The following HS6ST3 variants were observed in gnomAD, a reference collection of about 807,000 sequenced individuals.
HS6ST3 encodes the protein heparan sulfate 6-O-sulfotransferase 3.
A neutral mutation model predicts 36.7 loss-of-function variants in HS6ST3; 12 were observed. The ratio of observed to expected loss-of-function variants is 0.33; its 90% confidence interval spans 0.21 to 0.53. The LOEUF is 0.53. Ranked by LOEUF, HS6ST3 falls within the 20% of genes least tolerant of loss-of-function variation. HS6ST3 has a pLI of 0.95. For missense variants in HS6ST3, 584 were observed against 640.9 expected (o/e 0.91, Z 0.96); for synonymous variants, 240 against 257.5 (o/e 0.93, Z 0.65).
At chr13:96,156,206 C>T (rs1293633615) in intron 1 of HS6ST3, among the ~76,000 whole-genome samples, 1 of 152,158 alleles carries the variant, frequency 6.6e-6, no homozygotes, top group African/African-American at 2.4e-5. Flanking sequence ...GTTGAGTAAA[C>T]TGAGACACAA....
At chr13:96,790,952 A>T (rs1454457785) in intron 1 of HS6ST3, among the ~76,000 whole-genome samples, 2 of 152,046 alleles carry the variant, frequency 1.3e-5, no homozygotes, top group Non-Finnish European at 2.9e-5. Flanking sequence ...CTTTAGTGTT[A>T]CAAGAGAACA....
At chr13:96,733,527 T>G (rs1161951716) in intron 1 of HS6ST3, among the ~76,000 whole-genome samples, 1 of 152,234 alleles carries the variant, frequency 6.6e-6, no homozygotes, top group Non-Finnish European at 1.5e-5. Context: ...ATATGCTATC[T>G]TATTCCAGGT....
chr13:96,596,796 C>T (rs557834785), intron 1 of HS6ST3, among the ~76,000 whole-genome samples: 1 of 152,224 alleles, frequency 6.6e-6, no homozygotes, highest in Non-Finnish European at 1.5e-5. Flanking sequence ...GTCCTAAAGA[C>T]AGAAATACCA....
chr13:96,677,058 G>A (rs145281460), intron 1 of HS6ST3, among the ~76,000 whole-genome samples: 1 of 152,102 alleles, frequency 6.6e-6, no homozygotes, highest in Admixed American at 6.6e-5. Flanking sequence ...TTGTGGTAGA[G>A]CAAGGGTCAT....
chr13:96,648,296 T>A (rs968974810), intron 1 of HS6ST3, among the ~76,000 whole-genome samples: 4 of 151,996 alleles, frequency 2.6e-5, no homozygotes, highest in African/African-American at 9.7e-5. Flanking sequence ...CAACCATCTC[T>A]CACCAAACTC....
At chr13:96,331,879 C>T (rs989879566) in intron 1 of HS6ST3, among the ~76,000 whole-genome samples, 3 of 152,218 alleles carry the variant, frequency 2.0e-5, no homozygotes, top group African/African-American at 4.8e-5. Context: ...GATATAATCT[C>T]GTGGTGCGCC....
intron 1 of HS6ST3, among the ~76,000 whole-genome samples, chr13:96,621,091 C>A (rs570967930): frequency 2.3e-4 from 35 of 152,344 alleles, no homozygotes; most frequent in African/African-American, 7.7e-4. Context: ...GGATCTGTTG[C>A]TGTCTAGAAG....
intron 1 of HS6ST3, among the ~76,000 whole-genome samples, chr13:96,823,745 A>C (rs1878587882): frequency 6.6e-6 from 1 of 151,838 alleles, no homozygotes; most frequent in South Asian, 2.1e-4. Context: ...TCAGCCTCCC[A>C]AGTAGCTGGG....
At chr13:96,616,013 C>T (rs2056473150) in intron 1 of HS6ST3, among the ~76,000 whole-genome samples, 2 of 151,408 alleles carry the variant, frequency 1.3e-5, no homozygotes, top group African/African-American at 4.8e-5. Context: ...TTAATGGAAA[C>T]ACAGTTGACA....
intron 1 of HS6ST3, among the ~76,000 whole-genome samples, chr13:96,475,368 A>G (rs1750419017): frequency 6.6e-6 from 1 of 152,146 alleles, no homozygotes; most frequent in Non-Finnish European, 1.5e-5. Flanking sequence ...CTATTAGAAC[A>G]GGTTCCAGGA....
chr13:96,261,509 T>C (rs1393227446), intron 1 of HS6ST3, among the ~76,000 whole-genome samples: 1 of 152,098 alleles, frequency 6.6e-6, no homozygotes, highest in African/African-American at 2.4e-5. Context: ...TTTTCAGTAT[T>C]AAATATGCAC....
intron 1 of HS6ST3, among the ~76,000 whole-genome samples, chr13:96,791,038 T>A (rs1877774991): frequency 1.3e-5 from 2 of 152,038 alleles, no homozygotes; most frequent in Admixed American, 6.6e-5. Context: ...CAACCCCCAC[T>A]GATATTAGAT....
chr13:96,469,421 G>A (rs571313875), intron 1 of HS6ST3, among the ~76,000 whole-genome samples: 2 of 152,112 alleles, frequency 1.3e-5, no homozygotes, highest in East Asian at 3.9e-4. Flanking sequence ...TGAGCAGCAG[G>A]TCTTTATCAC....
At chr13:96,243,601 A>T (rs2139373799) in intron 1 of HS6ST3, among the ~76,000 whole-genome samples, 1 of 152,302 alleles carries the variant, frequency 6.6e-6, no homozygotes, top group Admixed American at 6.5e-5. Flanking sequence ...GTGTCATTAG[A>T]CAATCATTTA....
intron 1 of HS6ST3, among the ~76,000 whole-genome samples, chr13:96,538,851 A>C (rs1440619034): frequency 6.6e-6 from 1 of 152,158 alleles, no homozygotes; most frequent in African/African-American, 2.4e-5. Context: ...TTTTCAGTGG[A>C]ATTTATACCA....
intron 1 of HS6ST3, among the ~76,000 whole-genome samples, chr13:96,501,360 T>C (rs1006931722): frequency 6.6e-6 from 1 of 152,232 alleles, no homozygotes; most frequent in African/African-American, 2.4e-5. Context: ...ATGTTCAACT[T>C]CATTACATCC....
chr13:96,821,160 CTG>C (rs1368206181), intron 1 of HS6ST3, among the ~76,000 whole-genome samples: 1 of 152,216 alleles, frequency 6.6e-6, no homozygotes, highest in African/African-American at 2.4e-5. Context: ...TTCTTCTAAG[CTG>C]TATATATTCA....
rs141510233 is a variant in HS6ST3, at chr13:96,725,885, G to A, written c.708-106605G>A. Among the ~76,000 whole-genome samples, 321 of 152,122 alleles carry A rather than the reference G, an allele frequency of 2.1e-3. 1 individual carries two copies. Among genetic ancestry groups the A allele is most frequent in the African/African-American group, 7.0e-3 (292 of 41,496 alleles). ...AGAGTCTTGCTCTGTCACCCAGGCT[G>A]GAGTGCAGTGGCGCGATCTCAGCTC... On this transcript the variant is annotated intron_variant, in intron 1 of 1. Coordinates refer to ENST00000376705, the MANE Select transcript of HS6ST3 (RefSeq NM_153456.4).
At chr13:96,286,249 T>G (rs2139396538) in intron 1 of HS6ST3, among the ~76,000 whole-genome samples, 1 of 152,260 alleles carries the variant, frequency 6.6e-6, no homozygotes, top group Admixed American at 6.5e-5. Context: ...CTGCTTTATT[T>G]TAGCTTCTCC....
Sources: allele counts gnomAD v4.1 joint callset (sites outside exome capture counted in the v4.1 genomes callset), GRCh38; gene constraint gnomAD v4.1.1; transcripts MANE v1.5; gene names NCBI Gene and HGNC (gene_info 2026-07-23, HGNC 2026-07-21).